The following ST8SIA4 variants were observed in gnomAD, a reference collection of about 807,000 sequenced individuals.
ST8SIA4 encodes ST8 alpha-N-acetyl-neuraminide alpha-2,8-sialyltransferase 4.
A neutral mutation model predicts 33.9 loss-of-function variants in ST8SIA4; 15 were observed. That is an observed-to-expected ratio of 0.44 (90% confidence interval 0.30 to 0.68). The LOEUF is 0.68. ST8SIA4 is among the 30% of genes least tolerant of loss of function. ST8SIA4 has a pLI of 0.10. For synonymous variants in ST8SIA4, 171 were observed against 151.2 expected (o/e 1.13, Z -0.96); for missense variants, 321 against 428.0 (o/e 0.75, Z 2.21).
intron 3 of ST8SIA4, among the ~76,000 whole-genome samples, chr5:100,870,074 C>T (rs539072259): frequency 2.6e-4 from 40 of 152,236 alleles, no homozygotes; most frequent in Non-Finnish European, 4.7e-4. Context: ...TCAATTCCCA[C>T]GTATGAGTGA....
intron 2 of ST8SIA4, among the ~76,000 whole-genome samples, chr5:100,891,241 T>C (rs1025512354): frequency 7.2e-5 from 11 of 151,886 alleles, no homozygotes; most frequent in African/African-American, 2.7e-4. Context: ...ATGATACATA[T>C]GTTAGGAATC....
chr5:100,873,926 C>T (rs908083024), intron 3 of ST8SIA4, among the ~76,000 whole-genome samples: 1 of 152,068 alleles, frequency 6.6e-6, no homozygotes, highest in Admixed American at 6.6e-5. Flanking sequence ...TATGTAAAAA[C>T]TTGAAAGATA....
chr5:100,815,971 C>G (rs1750907732), intron 4 of ST8SIA4, among the ~76,000 whole-genome samples: 1 of 152,172 alleles, frequency 6.6e-6, no homozygotes, highest in African/African-American at 2.4e-5. Flanking sequence ...ACTCACAAAC[C>G]CACTTCTCTC....
chr5:100,835,117 G>A (rs1751341882), intron 4 of ST8SIA4, among the ~76,000 whole-genome samples: 5 of 151,920 alleles, frequency 3.3e-5, no homozygotes, highest in African/African-American at 1.2e-4. Context: ...ATATTAATTT[G>A]TTCTTTTTCT....
At chr5:100,893,881 T>C (rs545562254) in intron 2 of ST8SIA4, among the ~76,000 whole-genome samples, 2 of 152,166 alleles carry the variant, frequency 1.3e-5, no homozygotes, top group Non-Finnish European at 2.9e-5. Flanking sequence ...TTGAAAGTTA[T>C]TTTTCTGCTT....
chr5:100,808,108 C>A lies in ST8SIA4; in HGVS notation c.*3739G>T, dbSNP rs754785286. On this transcript the variant is annotated 3_prime_UTR_variant, in exon 5 of 5. Transcript: ENST00000231461. ...AATAACCACATGAAAACAACTCTTT[C>A]ATGAACCAAATATCACGTTATATGC... 1 of 152,530 alleles carries A rather than the reference C, an allele frequency of 6.6e-6. No individual in the cohort carries two copies. The highest frequency in any genetic ancestry group is 1.5e-5 in the Non-Finnish European group (1 of 68,000). The allele number at this position is 152,530 out of a possible 1,614,324, so 9.4% of individuals were successfully genotyped here. A position where few individuals can be genotyped will look rare whatever the true frequency, so the allele number is the denominator to read the frequency against.
intron 1 of ST8SIA4, among the ~76,000 whole-genome samples, chr5:100,898,647 G>C (rs1396493355): frequency 6.6e-6 from 1 of 152,152 alleles, no homozygotes; most frequent in Non-Finnish European, 1.5e-5. Context: ...AAATTTCTCT[G>C]TATAAAGTTA....
chr5:100,869,381 A>G (rs1339087849), intron 3 of ST8SIA4, among the ~76,000 whole-genome samples: 4 of 152,166 alleles, frequency 2.6e-5, no homozygotes, highest in African/African-American at 9.7e-5. Context: ...CCATTTGCTA[A>G]TGTCCATTTC....
intron 3 of ST8SIA4, among the ~76,000 whole-genome samples, chr5:100,860,699 A>G (rs1466856778): frequency 1.3e-5 from 2 of 152,334 alleles, no homozygotes; most frequent in Admixed American, 1.3e-4. Context: ...GAAAAGCACC[A>G]TCTAGTTTGG....
chr5:100,811,525 C>T lies in ST8SIA4; in HGVS notation c.*322G>A. On this transcript the variant is annotated 3_prime_UTR_variant, in exon 5 of 5. Transcript: ENST00000231461. ...CTAATATGCTTGGTGTTGCTGTGGG[C>T]AGCCTGACAGTGATGAACATATTTG... 1.6e-5 allele frequency: 3 copies of T among 188,750 alleles called. No homozygotes were observed. The highest frequency in any genetic ancestry group is 2.4e-5 in the African/African-American group (1 of 42,296). 11.7% of individuals were successfully genotyped at this position (188,750 alleles called of 1,614,324 possible).
chr5:100,813,099 A>T (rs1422257476), intron 4 of ST8SIA4, among the ~76,000 whole-genome samples: 1 of 152,032 alleles, frequency 6.6e-6, no homozygotes, highest in Admixed American at 6.6e-5. Flanking sequence ...ATTATGTTAG[A>T]TCCTGTTTGT....
chr5:100,810,572 C>A lies in ST8SIA4; in HGVS notation c.*1275G>T, dbSNP rs890986359. 8 of 151,948 alleles carry A rather than the reference C, an allele frequency of 5.3e-5. No individual in the cohort carries two copies. Among genetic ancestry groups the A allele is most frequent in the Non-Finnish European group, 1.0e-4 (7 of 67,938 alleles). 9.4% of individuals were successfully genotyped at this position (151,948 alleles called of 1,614,324 possible). Reference sequence around the variant, plus strand: ...AATGCAAAAGGTGTGAAAAACATTTCAAATGAAAATAAAGTATGAGTTTGA... The same window carrying A: ...AATGCAAAAGGTGTGAAAAACATTTAAAATGAAAATAAAGTATGAGTTTGA... On this transcript the variant is annotated 3_prime_UTR_variant, in exon 5 of 5. Transcript: ENST00000231461.
intron 2 of ST8SIA4, among the ~76,000 whole-genome samples, chr5:100,887,372 C>A (rs533923603): frequency 2.6e-5 from 4 of 152,064 alleles, no homozygotes; most frequent in Non-Finnish European, 5.9e-5. Flanking sequence ...GTCTCAAAAC[C>A]CAAGTAGAGC....
chr5:100,873,286 T>C (rs560456583), intron 3 of ST8SIA4, among the ~76,000 whole-genome samples: 1 of 151,616 alleles, frequency 6.6e-6, no homozygotes, highest in East Asian at 1.9e-4. Flanking sequence ...AAGGAGTAAA[T>C]AGAAGATAGT....
intron 3 of ST8SIA4, among the ~76,000 whole-genome samples, chr5:100,881,555 C>T (rs1173199723): frequency 6.6e-6 from 1 of 152,002 alleles, no homozygotes; most frequent in Non-Finnish European, 1.5e-5. Context: ...TTATAGAATA[C>T]TCATGAAATC....
intron 4 of ST8SIA4, among the ~76,000 whole-genome samples, chr5:100,841,703 C>G (rs1751474986): frequency 6.6e-6 from 1 of 151,868 alleles, no homozygotes. Context: ...ACACCCTCCA[C>G]TGGTAACATA....
intron 4 of ST8SIA4, among the ~76,000 whole-genome samples, chr5:100,852,027 ATT>A (rs1042084615): frequency 6.8e-6 from 1 of 147,766 alleles, no homozygotes; most frequent in African/African-American, 2.5e-5. Context: ...AGAAGCTTTT[ATT>A]TTACATTTTG....
chr5:100,841,499 A>G (rs1751469933), intron 4 of ST8SIA4, among the ~76,000 whole-genome samples: 1 of 151,880 alleles, frequency 6.6e-6, no homozygotes, highest in Non-Finnish European at 1.5e-5. Context: ...CAAGTAACCA[A>G]TGGAAACCTC....
At chr5:100,852,411 T>G (rs1751723871) in intron 4 of ST8SIA4, among the ~76,000 whole-genome samples, 1 of 151,244 alleles carries the variant, frequency 6.6e-6, no homozygotes, top group Non-Finnish European at 1.5e-5. Context: ...CATGAGCCAC[T>G]GCACTGGGCC....
Sources: gnomAD v4.1 joint callset for allele counts (sites outside exome capture counted in the v4.1 genomes callset) on GRCh38, gnomAD v4.1.1 for gene constraint, MANE v1.5 for transcripts, NCBI Gene and HGNC (gene_info 2026-07-23, HGNC 2026-07-21) for gene names.